The following EPHA7 variants were observed in gnomAD, a reference collection of about 807,000 sequenced individuals.
The protein encoded by EPHA7 is EPH receptor A7, also known as ephrin type-A receptor 7.
EPHA7 carries 25 observed loss-of-function variants against 112.6 expected under a neutral mutation model. The ratio of observed to expected loss-of-function variants is 0.22; its 90% CI spans 0.16 to 0.31. The LOEUF is 0.31. Ranked by LOEUF, EPHA7 falls within the 10% of genes least tolerant of loss-of-function variation. The probability of loss-of-function intolerance (pLI) is 1.00; values close to 1 mark genes in which losing one functional copy is unlikely to be tolerated. For missense variants in EPHA7, 962 were observed against 1,212.6 expected, an observed-to-expected ratio of 0.79 and a Z score of 3.07; for synonymous variants, 437 against 406.5, an observed-to-expected ratio of 1.07 and a Z score of -0.90.
intron 5 of EPHA7, among the ~76,000 whole-genome samples, chr6:93,304,027 C>A (rs748071206): frequency 6.6e-6 from 1 of 151,976 alleles, no homozygotes; most frequent in African/African-American, 2.4e-5. Context: ...TTAAAGACAG[C>A]CTTCACTGCA....
chr6:93,253,009 A>G (rs1295365897), intron 14 of EPHA7, among the ~76,000 whole-genome samples: 9 of 152,122 alleles, frequency 5.9e-5, no homozygotes, highest in Non-Finnish European at 1.2e-4. Flanking sequence ...CTTCTTAACC[A>G]TTTCCATTAT....
At chr6:93,359,334 T>C (rs1776120678) in intron 3 of EPHA7, among the ~76,000 whole-genome samples, 1 of 151,418 alleles carries the variant, frequency 6.6e-6, no homozygotes, top group Non-Finnish European at 1.5e-5. Context: ...ATTTAGCAAG[T>C]TATTTTTACA....
intron 5 of EPHA7, among the ~76,000 whole-genome samples, chr6:93,355,397 C>T (rs972843436): frequency 2.0e-5 from 3 of 152,004 alleles, no homozygotes; most frequent in African/African-American, 7.2e-5. Context: ...AAATAGGTAA[C>T]AGTTGGTTAA....
chr6:93,389,800 A>AC (rs1292944721), intron 3 of EPHA7, among the ~76,000 whole-genome samples: 1 of 152,046 alleles, frequency 6.6e-6, no homozygotes. Context: ...GCACTATTCA[A>AC]CAATAACAAC....
chr6:93,395,390 G>T lies in EPHA7; in HGVS notation c.832+15111C>A, dbSNP rs141482058. ...TCTTCTCTTTCTGTAACTAGGCACT[G>T]CATTTAGAGACAGAAGAAAGCCAAA... On this transcript the variant is annotated intron_variant, in intron 3 of 16. Coordinates refer to ENST00000369303, the MANE Select transcript of EPHA7 (RefSeq NM_004440.4). Among the ~76,000 whole-genome samples the T allele has an allele frequency of 2.1e-4, 32 of 151,894 alleles. No homozygotes were observed. The East Asian group carries it at 6.0e-3, about 29-fold the overall frequency.
rs148007181 is a variant in EPHA7, at chr6:93,384,789, C to T, written c.832+25712G>A. ...TGTAACTTGTTATTGAACGATTTGT[C>T]TTCTTAAAATATTTCTTGTAATTTA... On this transcript the variant is annotated intron_variant, in intron 3 of 16. Coordinates refer to ENST00000369303, the MANE Select transcript of EPHA7 (RefSeq NM_004440.4). Among the ~76,000 whole-genome samples the T allele has an allele frequency of 1.7e-4, 26 of 152,154 alleles. No homozygotes were observed. In the East Asian group the frequency reaches 3.5e-3, roughly 20 times the overall value.
intron 1 of EPHA7, 50 bp downstream of exon 1, chr6:93,419,195 G>T (rs759732510): frequency 1.3e-6 from 2 of 1,490,450 alleles, no homozygotes; most frequent in Non-Finnish European, 9.3e-7. Context: ...TGTGCAGGTA[G>T]ACATCTAAAT....
At chr6:93,271,716 T>TTTCCTGGAAAATA (rs1160829148) in intron 6 of EPHA7, among the ~76,000 whole-genome samples, 1 of 151,916 alleles carries the variant, frequency 6.6e-6, no homozygotes, top group East Asian at 1.9e-4. Flanking sequence ...CCATAATATT[T>TTTCCTGGAAAATA]TTCCTGGAAG....
chr6:93,313,634 A>G (rs1265282278), intron 5 of EPHA7, among the ~76,000 whole-genome samples: 2 of 152,142 alleles, frequency 1.3e-5, no homozygotes, highest in Non-Finnish European at 2.9e-5. Context: ...TAAATAAAAA[A>G]TTAAGATTGT....
At chr6:93,372,354 A>T (rs1582617431) in intron 3 of EPHA7, among the ~76,000 whole-genome samples, 1 of 152,144 alleles carries the variant, frequency 6.6e-6, no homozygotes, top group African/African-American at 2.4e-5. Context: ...TTACAACCTT[A>T]TAAGAGTATG....
At chr6:93,405,823 A>G (rs397832356) in intron 3 of EPHA7, among the ~76,000 whole-genome samples, 33,513 of 106,530 alleles carry the variant, frequency 0.31, 4,721 homozygotes, top group Non-Finnish European at 0.33. Flanking sequence ...GTATATATAT[A>G]TATATATATA....
At chr6:93,270,832 AC>A (rs1771180476) in intron 6 of EPHA7, among the ~76,000 whole-genome samples, 1 of 151,800 alleles carries the variant, frequency 6.6e-6, no homozygotes. Flanking sequence ...CACAAACATC[AC>A]GCATGCGTGC....
intron 5 of EPHA7, among the ~76,000 whole-genome samples, chr6:93,322,721 G>A (rs1774135185): frequency 6.6e-6 from 1 of 151,544 alleles, no homozygotes; most frequent in Non-Finnish European, 1.5e-5. Context: ...TGAACTCATT[G>A]TATCAAATAG....
intron 3 of EPHA7, among the ~76,000 whole-genome samples, chr6:93,380,370 C>G (rs1777276320): frequency 6.6e-6 from 1 of 152,058 alleles, no homozygotes; most frequent in Admixed American, 6.6e-5. Context: ...ACAATAAAAG[C>G]ATTCCACCAT....
At chr6:93,247,389 G>A (rs1052452211) in intron 14 of EPHA7, among the ~76,000 whole-genome samples, 1 of 152,182 alleles carries the variant, frequency 6.6e-6, no homozygotes, top group African/African-American at 2.4e-5. Context: ...CCCAGAATGA[G>A]CCAAAATGAT....
intron 3 of EPHA7, among the ~76,000 whole-genome samples, chr6:93,408,709 C>CAGAGCCATAGGTACT (rs1426374247): frequency 6.6e-6 from 1 of 152,102 alleles, no homozygotes; most frequent in Non-Finnish European, 1.5e-5. Context: ...ACTTTACATG[C>CAGAGCCATAGGTACT]TTAGCAGCCA....
intron 2 of EPHA7, among the ~76,000 whole-genome samples, chr6:93,412,838 AG>A (rs1389219958): frequency 2.6e-5 from 4 of 152,086 alleles, no homozygotes; most frequent in African/African-American, 9.6e-5. Context: ...AAAAGAATAT[AG>A]CCTAAGAATT....
At chr6:93,390,159 ATT>A (rs1777830687) in intron 3 of EPHA7, among the ~76,000 whole-genome samples, 1 of 151,760 alleles carries the variant, frequency 6.6e-6, no homozygotes, top group East Asian at 1.9e-4. Flanking sequence ...TGAATCTAAC[ATT>A]TAAAGAAATA....
intron 5 of EPHA7, among the ~76,000 whole-genome samples, chr6:93,278,034 A>C (rs1473606299): frequency 6.6e-6 from 1 of 152,046 alleles, no homozygotes; most frequent in African/African-American, 2.4e-5. Context: ...CTGTTCTTTA[A>C]GGCAGCGATT....
Sources: allele counts gnomAD v4.1 joint callset (sites outside exome capture counted in the v4.1 genomes callset), GRCh38; gene constraint gnomAD v4.1.1; transcripts MANE v1.5; gene names NCBI Gene and HGNC (gene_info 2026-07-23, HGNC 2026-07-21).